KCNN2: variants seen among roughly 807,000 people sequenced by gnomAD.
KCNN2 encodes small conductance calcium-activated potassium channel protein 2.
In KCNN2, 24 loss-of-function variants were observed where a neutral mutation model predicts 55.5. The ratio of observed to expected loss-of-function variants is 0.43; its 90% CI spans 0.31 to 0.61. The LOEUF (loss-of-function observed/expected upper bound fraction) is 0.61. KCNN2 is among the 20% of genes least tolerant of loss of function. The pLI, the probability that KCNN2 is intolerant of heterozygous loss-of-function variation, is 0.08. For missense variants in KCNN2, 754 were observed against 853.6 expected, an observed-to-expected ratio of 0.88 and a Z score of 1.45; for synonymous variants, 431 against 336.1, an observed-to-expected ratio of 1.28 and a Z score of -3.09.
chr5:114,158,709 G>T (rs1190201344), intron 1 of KCNN2, among the ~76,000 whole-genome samples: 2 of 150,942 alleles, frequency 1.3e-5, no homozygotes, highest in Non-Finnish European at 3.0e-5. Context: ...TCCTTGAAGA[G>T]GTCCTTCACA....
chr5:114,162,984 T>G (rs10036299), intron 1 of KCNN2, among the ~76,000 whole-genome samples: 1 of 152,052 alleles, frequency 6.6e-6, no homozygotes, highest in East Asian at 1.9e-4. Flanking sequence ...CTTCGGCTCA[T>G]GCACGGTGCA....
intron 1 of KCNN2, among the ~76,000 whole-genome samples, chr5:114,146,455 C>G (rs941189862): frequency 7.2e-5 from 11 of 152,124 alleles, no homozygotes; most frequent in African/African-American, 2.4e-4. Context: ...CTGTTTTGAG[C>G]TCACTAGGAA....
At chr5:114,233,153 C>T (rs1025191082) in intron 2 of KCNN2, among the ~76,000 whole-genome samples, 1 of 150,690 alleles carries the variant, frequency 6.6e-6, no homozygotes, top group Non-Finnish European at 1.5e-5. Context: ...ATCTCCTGAC[C>T]TCGTGATCCG....
At chr5:114,247,961 C>T (rs1754780178) in intron 2 of KCNN2, among the ~76,000 whole-genome samples, 1 of 151,884 alleles carries the variant, frequency 6.6e-6, no homozygotes, top group South Asian at 2.1e-4. Flanking sequence ...GTGTTTTCCA[C>T]CTGAGACTTT....
chr5:114,198,253 A>G (rs1490662425), intron 1 of KCNN2, among the ~76,000 whole-genome samples: 1 of 151,034 alleles, frequency 6.6e-6, no homozygotes, highest in Non-Finnish European at 1.5e-5. Context: ...TTTATGGCTG[A>G]GTAGTATTCC....
chr5:114,143,962 A>T (rs1273715342), intron 1 of KCNN2, among the ~76,000 whole-genome samples: 1 of 152,160 alleles, frequency 6.6e-6, no homozygotes, highest in Non-Finnish European at 1.5e-5. Context: ...ACACGAACAA[A>T]ATTAACGATT....
At chr5:114,420,766 G>A (rs1759449682) in intron 3 of KCNN2, among the ~76,000 whole-genome samples, 1 of 152,198 alleles carries the variant, frequency 6.6e-6, no homozygotes, top group African/African-American at 2.4e-5. Context: ...TTAATGGCAT[G>A]ATAAGAATTC....
At chr5:114,494,971 G>A (rs1748043464) in intron 7 of KCNN2, among the ~76,000 whole-genome samples, 1 of 152,122 alleles carries the variant, frequency 6.6e-6, no homozygotes, top group African/African-American at 2.4e-5. Context: ...TCAGACTTGG[G>A]AAAGTCTGCA....
chr5:114,190,195 C>A (rs954934424), intron 1 of KCNN2, among the ~76,000 whole-genome samples: 1 of 151,982 alleles, frequency 6.6e-6, no homozygotes, highest in African/African-American at 2.4e-5. Flanking sequence ...ACAAAACAAG[C>A]TGAAGATGTG....
intron 3 of KCNN2, among the ~76,000 whole-genome samples, chr5:114,434,165 A>G (rs746014171): frequency 6.9e-6 from 1 of 144,266 alleles, no homozygotes; most frequent in African/African-American, 2.5e-5. Context: ...TTTTTAGCAT[A>G]TCAGTTATAC....
At chr5:114,435,505 A>G (rs938896438) in intron 3 of KCNN2, among the ~76,000 whole-genome samples, 3 of 152,116 alleles carry the variant, frequency 2.0e-5, no homozygotes, top group African/African-American at 4.8e-5. Flanking sequence ...ATAGTATTCT[A>G]TCAGGTGGAT....
intron 2 of KCNN2, among the ~76,000 whole-genome samples, chr5:114,269,971 C>T (rs1188639370): frequency 6.6e-6 from 1 of 152,112 alleles, no homozygotes; most frequent in Non-Finnish European, 1.5e-5. Flanking sequence ...GTGTGTTTTC[C>T]CCTTTCTGGG....
chr5:114,424,549 G>A (rs1319303126), intron 3 of KCNN2, among the ~76,000 whole-genome samples: 1 of 152,174 alleles, frequency 6.6e-6, no homozygotes, highest in East Asian at 1.9e-4. Context: ...AGTGTTTTAG[G>A]TATCTGAGTA....
chr5:114,371,697 T>G (rs966596741), intron 2 of KCNN2, among the ~76,000 whole-genome samples: 2 of 152,152 alleles, frequency 1.3e-5, no homozygotes, highest in African/African-American at 4.8e-5. Flanking sequence ...TTAGATCCAT[T>G]TAAATGCCCT....
chr5:114,460,193 A>T (rs1742935858), intron 3 of KCNN2, among the ~76,000 whole-genome samples: 1 of 152,042 alleles, frequency 6.6e-6, no homozygotes, highest in African/African-American at 2.4e-5. Context: ...CTTCGTAGTT[A>T]CCTGCTCTGT....
At chr5:114,481,954 A>T (rs1398067642) in intron 5 of KCNN2, among the ~76,000 whole-genome samples, 1 of 152,224 alleles carries the variant, frequency 6.6e-6, no homozygotes, top group Non-Finnish European at 1.5e-5. Context: ...AGGCAGTACC[A>T]TTCAGGACAT....
At chr5:114,221,932 A>G (rs567807588) in intron 2 of KCNN2, among the ~76,000 whole-genome samples, 5 of 152,358 alleles carry the variant, frequency 3.3e-5, no homozygotes, top group Admixed American at 2.0e-4. Flanking sequence ...CTGGAACAAA[A>G]TACTATAGCT....
intron 3 of KCNN2, among the ~76,000 whole-genome samples, chr5:114,451,439 G>GCA (rs1431419480): frequency 3.3e-5 from 5 of 151,686 alleles, no homozygotes; most frequent in East Asian, 1.9e-4. Flanking sequence ...CCAAACATAC[G>GCA]CACACACACA....
intron 1 of KCNN2, among the ~76,000 whole-genome samples, chr5:114,192,611 C>T (rs545622495): frequency 2.8e-4 from 42 of 152,200 alleles, no homozygotes; most frequent in African/African-American, 1.0e-3. Context: ...AAAGTATCAT[C>T]TTCGGGAGTC....
Sources: gnomAD v4.1 joint callset for allele counts (sites outside exome capture counted in the v4.1 genomes callset) on GRCh38, gnomAD v4.1.1 for gene constraint, MANE v1.5 for transcripts, NCBI Gene and HGNC (gene_info 2026-07-23, HGNC 2026-07-21) for gene names.